Variants in BICDL1 observed in about 807,000 individuals in gnomAD.
The protein encoded by BICDL1 is BICD family-like cargo adapter 1.
In BICDL1, 20 loss-of-function variants were observed where a neutral mutation model predicts 76.8. That is an observed-to-expected ratio of 0.26 (90% CI 0.18 to 0.38). The LOEUF is 0.38. Among genes scored for constraint, BICDL1 ranks in the 10% least tolerant of loss-of-function variants. The probability of loss-of-function intolerance (pLI) is 1.00; values close to 1 mark genes in which losing one functional copy is unlikely to be tolerated. For missense variants in BICDL1, 700 were observed against 798.6 expected (o/e 0.88, Z 1.49); for synonymous variants, 383 against 337.1 (o/e 1.14, Z -1.49).
At chr12:120,024,007 C>T (rs1164864234) in intron 2 of BICDL1, among the ~76,000 whole-genome samples, 1 of 152,052 alleles carries the variant, frequency 6.6e-6, no homozygotes, top group Non-Finnish European at 1.5e-5. Flanking sequence ...AGGCTGGGCA[C>T]GGTGGCTCAC....
chr12:120,074,916 C>A (rs1030837570), intron 7 of BICDL1, among the ~76,000 whole-genome samples: 1 of 152,200 alleles, frequency 6.6e-6, no homozygotes, highest in African/African-American at 2.4e-5. Context: ...CCAGCAGTTG[C>A]TGGGCAGGGA....
At chr12:120,065,953 C>G (rs893120353) in intron 4 of BICDL1, among the ~76,000 whole-genome samples, 16 of 152,334 alleles carry the variant, frequency 1.1e-4, no homozygotes, top group African/African-American at 3.4e-4. Flanking sequence ...CAGCTAGTAA[C>G]TTTCCATATA....
intron 9 of BICDL1, among the ~76,000 whole-genome samples, chr12:120,090,432 G>A (rs1183899363): frequency 1.3e-5 from 2 of 152,138 alleles, no homozygotes; most frequent in East Asian, 1.9e-4. Flanking sequence ...AGCGGGATGC[G>A]GCTCAGCAAC....
intron 8 of BICDL1, among the ~76,000 whole-genome samples, chr12:120,088,366 T>G (rs918956025): frequency 6.6e-6 from 1 of 152,186 alleles, no homozygotes; most frequent in Non-Finnish European, 1.5e-5. Context: ...GTTTTGTTTT[T>G]ATTTTTTTGA....
At chr12:120,007,275 C>T (rs1951868036) in intron 2 of BICDL1, among the ~76,000 whole-genome samples, 1 of 152,138 alleles carries the variant, frequency 6.6e-6, no homozygotes, top group South Asian at 2.1e-4. Context: ...ATGTTAGTTT[C>T]ACATAAGTAG....
rs1224069940 is a variant in BICDL1, at chr12:120,071,176, A to G, written c.910-446A>G. Among the ~76,000 whole-genome samples, 4 of 149,354 alleles carry G rather than the reference A, an allele frequency of 2.7e-5. No homozygotes were observed. The highest frequency in any genetic ancestry group is 9.9e-5 in the African/African-American group (4 of 40,536). On this transcript the variant is annotated intron_variant, in intron 4 of 9. Transcript: ENST00000548673. This position sits in a 1 kb window ranked among gnomAD's most constrained non-coding sequence, Gnocchi z 4.8. ...TTTCTTTTTTGAGGTGGCGTCTCGCACTGTCACCCAGGTTGGAGTGCAATG... is the reference window on the plus strand; with the variant it reads ...TTTCTTTTTTGAGGTGGCGTCTCGCGCTGTCACCCAGGTTGGAGTGCAATG...
intron 6 of BICDL1, among the ~76,000 whole-genome samples, chr12:120,074,021 G>A (rs549290965): frequency 1.1e-4 from 17 of 152,134 alleles, no homozygotes; most frequent in Non-Finnish European, 2.2e-4. Flanking sequence ...CCGGGTTCAC[G>A]CCATTCTCCT....
chr12:120,002,074 G>A (rs1275307988), intron 2 of BICDL1, among the ~76,000 whole-genome samples: 1 of 152,018 alleles, frequency 6.6e-6, no homozygotes, highest in African/African-American at 2.4e-5. Context: ...GTAGTTTTTA[G>A]TTATTTACAG....
At chr12:120,081,144 C>A in intron 8 of BICDL1, 127 bp downstream of exon 8, 1 of 639,662 alleles carries the variant, frequency 1.6e-6, no homozygotes, top group Non-Finnish European at 2.5e-6. Context: ...CCCCGCTACC[C>A]ACCCCCACCC....
At chr12:120,027,531 G>A (rs1369109616) in intron 2 of BICDL1, among the ~76,000 whole-genome samples, 1 of 152,094 alleles carries the variant, frequency 6.6e-6, no homozygotes, top group African/African-American at 2.4e-5. Context: ...CGGTTTTACA[G>A]GTTAGGAAAC....
chr12:120,019,582 C>G (rs1407783309), intron 2 of BICDL1, among the ~76,000 whole-genome samples: 5 of 152,070 alleles, frequency 3.3e-5, no homozygotes, highest in Non-Finnish European at 5.9e-5. Context: ...TAGTGCTCAG[C>G]AAGTAAATCT....
intron 2 of BICDL1, among the ~76,000 whole-genome samples, chr12:120,008,680 G>A (rs1012280838): frequency 2.6e-5 from 4 of 152,138 alleles, no homozygotes; most frequent in African/African-American, 7.2e-5. Flanking sequence ...GGGTGGTATT[G>A]TTTTGGATGC....
intron 2 of BICDL1, among the ~76,000 whole-genome samples, chr12:120,027,454 TG>T (rs1196863358): frequency 6.6e-6 from 1 of 152,216 alleles, no homozygotes; most frequent in Non-Finnish European, 1.5e-5. Flanking sequence ...CATTTGAGAT[TG>T]AAAATGGTGG....
chr12:120,038,339 ATTTAT>A (rs1389533836), intron 2 of BICDL1, among the ~76,000 whole-genome samples: 1 of 152,180 alleles, frequency 6.6e-6, no homozygotes, highest in African/African-American at 2.4e-5. Flanking sequence ...GAAGTAAAGG[ATTTAT>A]TTTATTACTT....
At chr12:120,040,751 CT>C (rs57089775) in intron 2 of BICDL1, among the ~76,000 whole-genome samples, 320 of 134,094 alleles carry the variant, frequency 2.4e-3, no homozygotes, top group Middle Eastern at 7.6e-3. Flanking sequence ...ATAGGAAATA[CT>C]TTTTTTTTTT....
chr12:120,054,936 A>G (rs1463099625), intron 2 of BICDL1, among the ~76,000 whole-genome samples: 1 of 152,224 alleles, frequency 6.6e-6, no homozygotes, highest in African/African-American at 2.4e-5. Context: ...AAAAATTATA[A>G]CAGTAGGATT....
At chr12:120,025,249 A>AT (rs1456669938) in intron 2 of BICDL1, among the ~76,000 whole-genome samples, 1 of 150,914 alleles carries the variant, frequency 6.6e-6, no homozygotes, top group Non-Finnish European at 1.5e-5. Flanking sequence ...ATGGGGTTTC[A>AT]CCGTGTTAGC....
In BICDL1 at chr12:120,054,568, A is replaced by G. The variant is rs192705352; in HGVS notation, c.646-7142A>G. Among the ~76,000 whole-genome samples, 212 of 152,290 alleles carry G rather than the reference A, an allele frequency of 1.4e-3. 1 individual carries two copies. The highest frequency in any genetic ancestry group is 4.8e-3 in the African/African-American group (200 of 41,558). On this transcript the variant is annotated intron_variant, in intron 2 of 9. Transcript: ENST00000548673. Reference sequence around the variant, plus strand: ...TAAAGGAAATACTTGATGGAATATTACAGTCATATAAAATGAGGATTAATA... The same window carrying G: ...TAAAGGAAATACTTGATGGAATATTGCAGTCATATAAAATGAGGATTAATA...
chr12:120,074,621 T>C, intron 7 of BICDL1, 35 bp downstream of exon 7: 1 of 1,088,612 alleles, frequency 9.2e-7, no homozygotes, highest in Non-Finnish European at 1.1e-6. Context: ...GTGCAGGGCA[T>C]GTGCACCTGC....
Sources: gnomAD v4.1 joint callset for allele counts (sites outside exome capture counted in the v4.1 genomes callset) on GRCh38, gnomAD v4.1.1 for gene constraint, Gnocchi (gnomAD v3.1) non-coding constraint, MANE v1.5 for transcripts, NCBI Gene and HGNC (gene_info 2026-07-23, HGNC 2026-07-21) for gene names.